Variants in YPEL5 observed in about 807,000 individuals in gnomAD.
YPEL5 encodes the protein yippee like 5.
Under a neutral mutation model 10.5 loss-of-function variants are expected in YPEL5, and 1 was observed. The observed-to-expected ratio is 0.10, with a 90% CI of 0.03 to 0.45. YPEL5 has a LOEUF of 0.45. Among genes scored for constraint, YPEL5 ranks in the 20% least tolerant of loss-of-function variants. YPEL5 has a pLI of 0.97. For missense variants in YPEL5, 68 were observed against 159.3 expected, an observed-to-expected ratio of 0.43 and a Z score of 3.09; for synonymous variants, 61 against 56.6, an observed-to-expected ratio of 1.08 and a Z score of -0.35.
intron 2 of YPEL5, among the ~76,000 whole-genome samples, chr2:30,157,418 A>T (rs1287802729): frequency 6.6e-6 from 1 of 152,200 alleles, no homozygotes; most frequent in East Asian, 1.9e-4. Context: ...TCCACATGTC[A>T]CTGGTTTATC....
At chr2:30,157,661 A>G (rs556358083) in intron 2 of YPEL5, among the ~76,000 whole-genome samples, 1 of 152,336 alleles carries the variant, frequency 6.6e-6, no homozygotes, top group East Asian at 1.9e-4. Context: ...GGTATATAAT[A>G]GAAAAGTTGA....
At chr2:30,152,241 C>T (rs952933299) in intron 1 of YPEL5, among the ~76,000 whole-genome samples, 7 of 152,050 alleles carry the variant, frequency 4.6e-5, no homozygotes, top group Admixed American at 3.3e-4. Flanking sequence ...AAGGAGCAGT[C>T]TCTATGAGCT....
At chr2:30,150,680 C>G (rs943764610) in intron 1 of YPEL5, among the ~76,000 whole-genome samples, 1 of 152,214 alleles carries the variant, frequency 6.6e-6, no homozygotes, top group Non-Finnish European at 1.5e-5. Flanking sequence ...ATACTCCTAT[C>G]TAGCTTTAAT....
chr2:30,154,880 A>G (rs1462444938), intron 1 of YPEL5, among the ~76,000 whole-genome samples: 2 of 152,224 alleles, frequency 1.3e-5, no homozygotes, highest in Non-Finnish European at 2.9e-5. Context: ...CTGAGACTAC[A>G]GGCGTGCGCC....
At chr2:30,156,495 TA>T in intron 1 of YPEL5, 132 bp from the exon 2 acceptor site, 2 of 792,844 alleles carry the variant, frequency 2.5e-6, no homozygotes, top group Non-Finnish European at 4.0e-6. Context: ...CAGGATCAGC[TA>T]TTTCACACAT....
intron 1 of YPEL5, chr2:30,156,299 C>G: frequency 4.5e-6 from 1 of 220,994 alleles, no homozygotes; most frequent in East Asian, 1.0e-4. Context: ...TCTGCCAGTG[C>G]TTTACATCAT....
chr2:30,151,220 A>G (rs958786696), intron 1 of YPEL5, among the ~76,000 whole-genome samples: 7 of 152,218 alleles, frequency 4.6e-5, no homozygotes, highest in Non-Finnish European at 1.5e-5. Context: ...TATGTAGTCC[A>G]TCATATCCAT....
chr2:30,156,437 G>A (rs1446519875), intron 1 of YPEL5, 191 bp from the exon 2 acceptor site: 1 of 529,014 alleles, frequency 1.9e-6, no homozygotes, highest in Admixed American at 3.3e-5. Context: ...TCTTAGCTTA[G>A]GCATGCCTGT....
chr2:30,147,268 A>ACGCG (rs1484218995), intron 1 of YPEL5, among the ~76,000 whole-genome samples: 1 of 151,528 alleles, frequency 6.6e-6, no homozygotes, highest in East Asian at 2.0e-4. Flanking sequence ...CCGCGGGCGG[A>ACGCG]CGCGCGGGGC....
At chr2:30,151,899 A>C (rs915862290) in intron 1 of YPEL5, among the ~76,000 whole-genome samples, 26 of 152,232 alleles carry the variant, frequency 1.7e-4, no homozygotes, top group African/African-American at 6.0e-4. Context: ...TCTAAGTCCA[A>C]GCAAGGTGAT....
intron 1 of YPEL5, among the ~76,000 whole-genome samples, chr2:30,154,378 G>C (rs12997313): frequency 2.4e-4 from 36 of 152,224 alleles, no homozygotes; most frequent in Non-Finnish European, 4.8e-4. Flanking sequence ...GGACCAAAGA[G>C]GTGAAGTAAT....
intron 1 of YPEL5, among the ~76,000 whole-genome samples, chr2:30,151,906 T>C (rs1194917450): frequency 6.6e-6 from 1 of 152,178 alleles, no homozygotes; most frequent in Admixed American, 6.5e-5. Context: ...CCAAGCAAGG[T>C]GATTAGCATA....
chr2:30,159,297 CTG>C lies in YPEL5; in HGVS notation c.*457_*458del, dbSNP rs1676177512. On this transcript the variant is annotated 3_prime_UTR_variant, in exon 3 of 3. Coordinates refer to ENST00000261353, the MANE Select transcript of YPEL5 (RefSeq NM_016061.3). Reference sequence around the variant, plus strand: ...CTAGCTTCAGAGAAGAGATCCGAATCTGTGCCCAGCGCTAAAGGCTCAGTGTT... The same window carrying C: ...CTAGCTTCAGAGAAGAGATCCGAATCTGCCCAGCGCTAAAGGCTCAGTGTT... The C allele has an allele frequency of 5.9e-6, 1 of 169,760 alleles. No homozygotes were observed. Among genetic ancestry groups the C allele is most frequent in the African/African-American group, 2.4e-5 (1 of 41,506 alleles). 10.5% of individuals were successfully genotyped at this position (169,760 alleles called of 1,614,324 possible). A position where few individuals can be genotyped will look rare whatever the true frequency, so the allele number is the denominator to read the frequency against.
intron 1 of YPEL5, among the ~76,000 whole-genome samples, chr2:30,153,039 T>G (rs1260654150): frequency 6.6e-6 from 1 of 152,138 alleles, no homozygotes; most frequent in Non-Finnish European, 1.5e-5. Context: ...TAGCTGGGAC[T>G]ACAGGTGCCC....
Position 30,156,716 on chromosome 2 carries a change from C to T in YPEL5, c.65C>T (p.Thr22Met), listed in dbSNP as rs1676054472. Residue 22 changes from threonine to methionine, a missense_variant, in exon 2 of 3, where the codon ACG becomes ATG. By Grantham distance (81) the Thr-to-Met change is moderately conservative. Around this residue, in one of 2 missense-constraint regions of YPEL5, gnomAD observed 48 missense variants for 138.4 expected, o/e 0.35. Transcript: ENST00000261353. Reference sequence around the variant, plus strand: ...CTGTTTTCTTGTGCAAACTGTGATACGATCCTGACCAACCGCTCAGAACTC... The same window carrying T: ...CTGTTTTCTTGTGCAAACTGTGATATGATCCTGACCAACCGCTCAGAACTC... ...TRLFSCANCD[T>M]ILTNRSELIS... 1.2e-6 allele frequency: 2 copies of T among 1,614,056 alleles called. No individual in the cohort carries two copies. Among genetic ancestry groups the T allele is most frequent in the African/African-American group, 1.3e-5 (1 of 74,912 alleles).
intron 2 of YPEL5, 45 bp downstream of exon 2, chr2:30,156,837 A>G (rs765899114): frequency 4.4e-6 from 7 of 1,605,640 alleles, no homozygotes; most frequent in Non-Finnish European, 6.0e-6. Context: ...TATTGGCTGT[A>G]TTTGACAGCA....
At chr2:30,157,639 C>T (rs1486970502) in intron 2 of YPEL5, among the ~76,000 whole-genome samples, 1 of 152,162 alleles carries the variant, frequency 6.6e-6, no homozygotes, top group Non-Finnish European at 1.5e-5. Context: ...GTGATTCTGC[C>T]TCCCGGAATC....
rs949081563 is a variant in YPEL5, at chr2:30,159,709, G to A, written c.*866G>A. On this transcript the variant is annotated 3_prime_UTR_variant, in exon 3 of 3. Transcript: ENST00000261353. ...AAATGAAAGCATACTGTTGAAACCC[G>A]CAGTGTTGCATTTAGAAAACAGTTG... The A allele has an allele frequency of 5.9e-5, 9 of 152,062 alleles. No homozygotes were observed. The highest frequency in any genetic ancestry group is 2.9e-5 in the Non-Finnish European group (2 of 68,016). The allele number at this position is 152,062 out of a possible 1,614,324, so 9.4% of individuals were successfully genotyped here.
At chr2:30,147,260 G>T (rs1675457654) in intron 1 of YPEL5, among the ~76,000 whole-genome samples, 198 bp downstream of exon 1, 1 of 151,810 alleles carries the variant, frequency 6.6e-6, no homozygotes. Flanking sequence ...CGCTGGGACC[G>T]CGGGCGGACG....
Sources: allele counts gnomAD v4.1 joint callset (sites outside exome capture counted in the v4.1 genomes callset), GRCh38; gene constraint gnomAD v4.1.1; regional missense constraint gnomAD v4.1.1; transcripts MANE v1.5; gene names NCBI Gene and HGNC (gene_info 2026-07-23, HGNC 2026-07-21).